COL4A4: variants seen among roughly 807,000 people sequenced by gnomAD.
The protein encoded by COL4A4 is collagen type IV alpha 4 chain.
COL4A4 carries 105 observed loss-of-function variants against 192.9 expected under a neutral mutation model. The observed-to-expected ratio is 0.54, with a 90% CI of 0.46 to 0.64. COL4A4 has a LOEUF of 0.64. Ranked by LOEUF, COL4A4 falls within the 30% of genes least tolerant of loss-of-function variation. COL4A4 has a pLI of 0.00. For missense variants in COL4A4, 1,967 were observed against 2,169.3 expected, an observed-to-expected ratio of 0.91 and a Z score of 1.85; for synonymous variants, 762 against 769.9, an observed-to-expected ratio of 0.99 and a Z score of 0.17.
intron 29 of COL4A4, among the ~76,000 whole-genome samples, chr2:227,057,095 T>C (rs990252435): frequency 1.3e-5 from 2 of 152,166 alleles, no homozygotes; most frequent in Admixed American, 6.5e-5. Flanking sequence ...TTCTCAAGCT[T>C]GTGTTTGCAG....
At chr2:227,031,040 CAGAT>C (rs1968252603) in intron 40 of COL4A4, among the ~76,000 whole-genome samples, 3 of 32,958 alleles carry the variant, frequency 9.1e-5, no homozygotes, top group African/African-American at 2.3e-4. Context: ...GTTGGATGGA[CAGAT>C]GGATGGATGG....
chr2:227,086,579 T>G (rs558572592), intron 22 of COL4A4, among the ~76,000 whole-genome samples: 1 of 152,086 alleles, frequency 6.6e-6, no homozygotes, highest in Non-Finnish European at 1.5e-5. Flanking sequence ...GACAGAATCA[T>G]ATACACAACA....
intron 44 of COL4A4, among the ~76,000 whole-genome samples, chr2:227,016,299 G>A (rs980981313): frequency 6.6e-6 from 1 of 152,164 alleles, no homozygotes; most frequent in East Asian, 1.9e-4. Context: ...CAGGAGTCAC[G>A]TGTTCATTCA....
At chr2:226,976,962 A>G in the COL4A4 span, among the ~76,000 whole-genome samples, 1 of 152,200 alleles carries the variant, frequency 6.6e-6, no homozygotes, top group African/African-American at 2.4e-5. Flanking sequence ...CCAAACAAAC[A>G]GGGTGGATGG....
intron 37 of COL4A4, 142 bp from the exon 38 acceptor site, chr2:227,033,623 G>A: frequency 1.4e-6 from 1 of 717,748 alleles, no homozygotes; most frequent in East Asian, 2.7e-5. Context: ...CATCATCAGG[G>A]TGGAAACCCA....
intron 19 of COL4A4, among the ~76,000 whole-genome samples, chr2:227,095,190 G>C (rs998485647): frequency 2.0e-5 from 3 of 152,134 alleles, no homozygotes; most frequent in Non-Finnish European, 4.4e-5. Flanking sequence ...TTTCTACCTT[G>C]ATAACTTGGT....
chr2:227,023,499 TTTAC>T (rs998946725), intron 43 of COL4A4, among the ~76,000 whole-genome samples: 4 of 151,816 alleles, frequency 2.6e-5, no homozygotes, highest in African/African-American at 9.7e-5. Flanking sequence ...ATTTTTTTCT[TTTAC>T]TTTCACATCA....
chr2:227,018,437 G>A (rs1965354075), intron 44 of COL4A4, among the ~76,000 whole-genome samples: 2 of 152,208 alleles, frequency 1.3e-5, no homozygotes, highest in Non-Finnish European at 2.9e-5. Flanking sequence ...GACGGGATGA[G>A]CAATACAGCC....
In COL4A4 at chr2:227,054,683, C is replaced by T. The variant is rs1974904347; in HGVS notation, c.2771G>A (p.Gly924Asp). The T allele has an allele frequency of 6.2e-7, 1 of 1,614,228 alleles. No homozygotes were observed. Among genetic ancestry groups the T allele is most frequent in the Non-Finnish European group, 8.5e-7 (1 of 1,180,034 alleles). The change falls in exon 31 of 48, where the codon GGT (glycine) becomes GAT (aspartate). Residue 924 changes from glycine to aspartate, a missense_variant. Coordinates refer to ENST00000396625, the MANE Select transcript of COL4A4 (RefSeq NM_000092.5). ...PGFPGERGKPGAEGCPGAKGE... is the reference protein window; with the variant it reads ...PGFPGERGKPDAEGCPGAKGE... The stretch of plus-strand genomic sequence containing the variant: ...CTTTGCGCCAGGACATCCCTCTGCA[C>T]CAGGCTTTCCTCTTTCTCCGGGAAA...
intron 44 of COL4A4, 123 bp downstream of exon 44, chr2:227,021,923 AGG>A: frequency 8.9e-7 from 1 of 1,119,738 alleles, no homozygotes; most frequent in Non-Finnish European, 1.3e-6. Flanking sequence ...CAAATTGCAA[AGG>A]GAAAGACATG....
rs148159804 is a variant in COL4A4 at position 227,044,450 on chromosome 2, T to A, written c.3290-1266A>T. Among the ~76,000 whole-genome samples the A allele has an allele frequency of 2.2e-3, 332 of 152,286 alleles. 3 individuals carry two copies. The highest frequency in any genetic ancestry group is 3.6e-3 in the Non-Finnish European group (245 of 68,018). On this transcript the variant is annotated intron_variant, in intron 35 of 47. Coordinates refer to ENST00000396625, the MANE Select transcript of COL4A4 (RefSeq NM_000092.5). ...ACAAACCATGCTGGGGGGGCTATAGTCATCATTTATTATAGCACACAGGAA... is the reference window on the plus strand; with the variant it reads ...ACAAACCATGCTGGGGGGGCTATAGACATCATTTATTATAGCACACAGGAA...
At chr2:227,025,549 A>G (rs1178648835) in intron 43 of COL4A4, among the ~76,000 whole-genome samples, 1 of 152,112 alleles carries the variant, frequency 6.6e-6, no homozygotes, top group South Asian at 2.1e-4. Context: ...TTCATGCCCA[A>G]ATTGAAACTA....
rs750748339 is a variant in COL4A4, at chr2:227,027,999, T to A, written c.3984A>T (p.Gly1328=). Residue 1328 remains glycine (G), a synonymous_variant, in exon 42 of 48, where the codon GGA becomes GGT. Transcript: ENST00000396625. ...CATGTGGTCCCTGCGGTCCCGGGAA[T>A]CCCACTGGTCCTTAAAAAAAAACAA... is the stretch of plus-strand genomic sequence containing the variant. ...DGKDGQKGPV[G]FPGPQGPHGF... is the part of the protein sequence containing the mutation. The A allele has an allele frequency of 1.2e-6, 2 of 1,607,480 alleles. No individual in the cohort carries two copies. The highest frequency in any genetic ancestry group is 1.1e-5 in the South Asian group (1 of 90,560).
intron 41 of COL4A4, among the ~76,000 whole-genome samples, chr2:227,028,774 G>A (rs1466388732): frequency 1.3e-5 from 2 of 151,466 alleles, no homozygotes; most frequent in African/African-American, 4.9e-5. Flanking sequence ...TCTCACCTCA[G>A]CCTCCCGAGT....
chr2:227,104,728 C>T (rs2060728444), intron 12 of COL4A4, among the ~76,000 whole-genome samples: 1 of 150,058 alleles, frequency 6.7e-6, no homozygotes, highest in Admixed American at 6.6e-5. Context: ...GCAACCTCCG[C>T]CTCCCGGGTT....
chr2:227,032,091 C>T (rs1216654438), intron 39 of COL4A4, 36 bp from the exon 40 acceptor site: 3 of 1,613,948 alleles, frequency 1.9e-6, no homozygotes, highest in Non-Finnish European at 2.5e-6. Flanking sequence ...ATCCTCATTG[C>T]ATTTGGAAGG....
At chr2:227,049,434 C>T (rs1194206648) in intron 34 of COL4A4, among the ~76,000 whole-genome samples, 1 of 152,204 alleles carries the variant, frequency 6.6e-6, no homozygotes, top group Non-Finnish European at 1.5e-5. Context: ...TGGCTGCTTT[C>T]ACACTATAAC....
chr2:227,106,153 C>T lies in COL4A4; in HGVS notation c.736-2101G>A, dbSNP rs114408795. On this transcript the variant is annotated intron_variant, in intron 12 of 47. Transcript: ENST00000396625. ...TTTTTTTCCTTGATTTATCTACACA[C>T]CTAACACAGTGTTGGTGTAGCACCT... 5.8e-3 allele frequency among the ~76,000 whole-genome samples: 883 copies of T among 151,186 alleles called. 3 individuals carry two copies. Among genetic ancestry groups the T allele is most frequent in the African/African-American group, 0.02 (828 of 41,212 alleles).
chr2:227,028,974 A>G (rs1003923620), intron 41 of COL4A4, among the ~76,000 whole-genome samples: 1 of 152,130 alleles, frequency 6.6e-6, no homozygotes, highest in Non-Finnish European at 1.5e-5. Flanking sequence ...CTCTGTCCTT[A>G]TGAGATTAGA....
Sources: gnomAD v4.1 joint callset for allele counts (sites outside exome capture counted in the v4.1 genomes callset) on GRCh38, gnomAD v4.1.1 for gene constraint, MANE v1.5 for transcripts, NCBI Gene and HGNC (gene_info 2026-07-23, HGNC 2026-07-21) for gene names.